The following NDN variants were observed in gnomAD, a reference collection of about 807,000 sequenced individuals.
NDN encodes necdin.
For synonymous variants in NDN, 245 were observed against 189.4 expected, an observed-to-expected ratio of 1.29 and a Z score of -2.41; for missense variants, 465 against 440.4, an observed-to-expected ratio of 1.06 and a Z score of -0.50.
Position 23,686,929 on chromosome 15 carries a change from G to A in NDN, c.289C>T (p.Gln97Ter). ...AGCTCGTGCGCCTTCTGCACCAGCT[G>A]CGCCGGGGCTGGCGGTGCCGGGCCC... is the stretch of plus-strand genomic sequence containing the variant. Reference protein sequence around the residue: ...QPGPAPPAPAQLVQKAHELMW... With the variant: ...QPGPAPPAPA The change falls in exon 1 of 1, where the codon CAG becomes TAG. Residue 97 changes from glutamine to a stop codon, truncating the protein, a stop_gained. Coordinates refer to ENST00000649030, the MANE Select transcript of NDN (RefSeq NM_002487.3). LOFTEE classifies it low-confidence loss of function (END_TRUNC). 6.2e-7 allele frequency: 1 copy of A among 1,612,168 alleles called. No individual in the cohort carries two copies. The highest frequency in any genetic ancestry group is 1.7e-4 in the Middle Eastern group (1 of 5,992).
In NDN at chr15:23,686,744, G is replaced by A. The variant is rs1445551012; in HGVS notation, c.474C>T (p.Thr158=). The change falls in exon 1 of 1, where the codon ACC becomes ACT. Residue 158 remains threonine, a synonymous_variant. Transcript: ENST00000649030. ...ARVFGLHLRL[T]SLHTMEFALV... ...GCGCAAACTCCATGGTGTGCAGGCT[G>A]GTTAGCCTCAGGTGCAGCCCGAACA... 1.9e-6 allele frequency: 3 copies of A among 1,614,032 alleles called. No homozygotes were observed. The highest frequency in any genetic ancestry group is 1.3e-5 in the African/African-American group (1 of 75,070).
rs1424365483 is a variant in NDN, at chr15:23,687,069, G to C, written c.149C>G (p.Ala50Gly). The change falls in exon 1 of 1, where the codon GCC (alanine) becomes GGC (glycine). Residue 50 changes from alanine to glycine, a missense_variant. Ala to Gly is a moderately conservative substitution (Grantham distance 60). Transcript: ENST00000649030. The stretch of plus-strand genomic sequence containing the variant: ...GGGAGGCGGCGCGGCCTGCGGAGCG[G>C]CCGTCGGGCCTAGAGGAGGGCTCTG... ...EPQSPPLGPT[A>G]APQAAPPPQA... 6.4e-7 allele frequency: 1 copy of C among 1,553,864 alleles called. No homozygotes were observed. Among genetic ancestry groups the C allele is most frequent in the Admixed American group, 1.9e-5 (1 of 51,722 alleles).
In NDN at chr15:23,686,074, T is replaced by G; in HGVS notation, c.*178A>C. On this transcript the variant is annotated 3_prime_UTR_variant, in exon 1 of 1. Coordinates refer to ENST00000649030, the MANE Select transcript of NDN (RefSeq NM_002487.3). ...ACAAACATGCATACATCCTAAATAC[T>G]ACACAATAGTACCCAAATGAATACA... 1 of 683,232 alleles carries G rather than the reference T, an allele frequency of 1.5e-6. No homozygotes were observed. Among genetic ancestry groups the G allele is most frequent in the South Asian group, 5.2e-5 (1 of 19,364 alleles). 42.3% of individuals were successfully genotyped at this position (683,232 alleles called of 1,614,324 possible). A position where few individuals can be genotyped will look rare whatever the true frequency, so the allele number is the denominator to read the frequency against.
chr15:23,687,097 G>A lies in NDN; in HGVS notation c.121C>T (p.Pro41Ser), dbSNP rs1891163889. 4 of 1,581,396 alleles carry A rather than the reference G, an allele frequency of 2.5e-6. No homozygotes were observed. Among genetic ancestry groups the A allele is most frequent in the African/African-American group, 2.8e-5 (2 of 72,426 alleles). ...GTCGGGCCTAGAGGAGGGCTCTGCG[G>A]CTCTGCCAGGGTCGCGGACGGAGGA... ...GVPPSATLAE[P>S]QSPPLGPTAA... Residue 41 changes from proline (P) to serine (S), a missense_variant, in exon 1 of 1, where the codon CCG (proline) becomes TCG (serine). By Grantham distance (74) the Pro-to-Ser change is moderately conservative (BLOSUM62 -1). Transcript: ENST00000649030.
Position 23,686,356 on chromosome 15 carries a change from G to C in NDN, c.862C>G (p.Gln288Glu). The C allele has an allele frequency of 2.5e-6, 4 of 1,595,648 alleles. No individual in the cohort carries two copies. Among genetic ancestry groups the C allele is most frequent in the Non-Finnish European group, 3.4e-6 (4 of 1,170,418 alleles). Residue 288 changes from glutamine to glutamate, a missense_variant, in exon 1 of 1, where the codon CAG becomes GAG. By Grantham distance (29) the Gln-to-Glu change is conservative. Coordinates refer to ENST00000649030, the MANE Select transcript of NDN (RefSeq NM_002487.3). ...TCTCTGTATCGGGAGGGCCAGGCCTGGGGGTCTTTCTTAAAGACCCTGGCC... is the reference window on the plus strand; with the variant it reads ...TCTCTGTATCGGGAGGGCCAGGCCTCGGGGTCTTTCTTAAAGACCCTGGCC... Reference protein sequence around the residue: ...FLARVFKKDPQAWPSRYREAL... With the variant: ...FLARVFKKDPEAWPSRYREAL...
rs1405526411 is a variant in NDN, at chr15:23,686,382, AG to A, written c.835del (p.Leu279TrpfsTer54). On this transcript the variant is annotated frameshift_variant, in exon 1 of 1. Coordinates refer to ENST00000649030, the MANE Select transcript of NDN (RefSeq NM_002487.3). LOFTEE classifies it high-confidence loss of function. ...GGGGTCTTTCTTAAAGACCCTGGCC[AG>A]GAACTCCATGATTTGCATCTTGGTG... The part of the protein sequence containing the change: ...EITKMQIMEF[L>X]ARVFKKDPQA... 6.2e-7 allele frequency: 1 copy of A among 1,606,874 alleles called. No individual in the cohort carries two copies. The highest frequency in any genetic ancestry group is 8.5e-7 in the Non-Finnish European group (1 of 1,175,954).
chr15:23,686,510 A>G lies in NDN; in HGVS notation c.708T>C (p.Thr236=), dbSNP rs1487967839. 1 of 1,613,564 alleles carries G rather than the reference A, an allele frequency of 6.2e-7. No homozygotes were observed. ...STFGDVRKLI[T]EEFVQMNYLK... ...GGTAATTCATTTGGACGAACTCCTCAGTGATGAGCTTCCGCACGTCCCCGA... is the reference window on the plus strand; with the variant it reads ...GGTAATTCATTTGGACGAACTCCTCGGTGATGAGCTTCCGCACGTCCCCGA... The change falls in exon 1 of 1, where the codon ACT becomes ACC. Residue 236 remains threonine, a synonymous_variant. Coordinates refer to ENST00000649030, the MANE Select transcript of NDN (RefSeq NM_002487.3).
At position 23,686,498 on chromosome 15, in the gene NDN, G is replaced by A. The variant is rs1891146383; in HGVS notation, c.720C>T (p.Val240=). 6.2e-7 allele frequency: 1 copy of A among 1,613,606 alleles called. No individual in the cohort carries two copies. Among genetic ancestry groups the A allele is most frequent in the Non-Finnish European group, 8.5e-7 (1 of 1,179,956 alleles). ...GCTGGTACTTCAGGTAATTCATTTG[G>A]ACGAACTCCTCAGTGATGAGCTTCC... ...DVRKLITEEF[V]QMNYLKYQRV... is the part of the protein sequence containing the mutation. The change falls in exon 1 of 1, where the codon GTC becomes GTT. Residue 240 remains valine (V), a synonymous_variant. Transcript: ENST00000649030.
Position 23,686,816 on chromosome 15 carries a change from C to A in NDN, c.402G>T (p.Lys134Asn), listed in dbSNP as rs1891155228. ...TGCGCCGGAGGATGCTCCTGCACCA[C>A]TTCTTGTAGCTGCCGATGACATCTT... ...MVKDVIGSYK[K>N]WCRSILRRTS... is the part of the protein sequence containing the mutation. The change falls in exon 1 of 1, where the codon AAG becomes AAT. Residue 134 changes from lysine (K) to asparagine (N), a missense_variant. Lys to Asn is a moderately conservative substitution (Grantham distance 94, BLOSUM62 0). Transcript: ENST00000649030. 1 of 1,613,972 alleles carries A rather than the reference C, an allele frequency of 6.2e-7. No individual in the cohort carries two copies. Among genetic ancestry groups the A allele is most frequent in the Non-Finnish European group, 8.5e-7 (1 of 1,180,038 alleles).
chr15:23,687,243 G>A lies in NDN; in HGVS notation c.-26C>T, dbSNP rs1251728580. 1 of 1,402,674 alleles carries A rather than the reference G, an allele frequency of 7.1e-7. No individual in the cohort carries two copies. The highest frequency in any genetic ancestry group is 9.3e-7 in the Non-Finnish European group (1 of 1,074,174). The allele number at this position is 1,402,674 out of a possible 1,614,324, so 86.9% of individuals were successfully genotyped here. On this transcript the variant is annotated 5_prime_UTR_variant, in exon 1 of 1. Transcript: ENST00000649030. Reference sequence around the variant, plus strand: ...GTCTGCGCCGTCTGGCAAGGGCAGGGCCTCTGCGTCCAGGAGCTCTTCGAG... The same window carrying A: ...GTCTGCGCCGTCTGGCAAGGGCAGGACCTCTGCGTCCAGGAGCTCTTCGAG...
rs770123594 is a variant in NDN, at chr15:23,686,297, A to T, written c.921T>A (p.Ala307=). The T allele has an allele frequency of 6.6e-6, 10 of 1,516,730 alleles. No homozygotes were observed. Among genetic ancestry groups the T allele is most frequent in the African/African-American group, 5.6e-5 (4 of 71,624 alleles). 94.0% of individuals were successfully genotyped at this position (1,516,730 alleles called of 1,614,324 possible). The stretch of plus-strand genomic sequence containing the variant: ...TGCGAGGGTAGTGGGCAGTGGGATT[A>T]GCCTCCCGCAGAGCTCTGGCCTCCT... ...ALEEARALRE[A]NPTAHYPRSS... The change falls in exon 1 of 1, where the codon GCT becomes GCA. Residue 307 remains alanine (A), a synonymous_variant. Transcript: ENST00000649030.
Position 23,687,298 on chromosome 15 carries a change from G to A in NDN, c.-81C>T. ...CGCTCCCTCCGCGGATTCCTGGAGAGGAAGTGCGCGTTGCTGCGCGCGGCG... is the reference window on the plus strand; with the variant it reads ...CGCTCCCTCCGCGGATTCCTGGAGAAGAAGTGCGCGTTGCTGCGCGCGGCG... On this transcript the variant is annotated 5_prime_UTR_variant, in exon 1 of 1. Coordinates refer to ENST00000649030, the MANE Select transcript of NDN (RefSeq NM_002487.3). The A allele has an allele frequency of 1.5e-6, 2 of 1,316,384 alleles. No individual in the cohort carries two copies. The highest frequency in any genetic ancestry group is 1.9e-6 in the Non-Finnish European group (2 of 1,025,894). 81.5% of individuals were successfully genotyped at this position (1,316,384 alleles called of 1,614,324 possible).
Position 23,687,165 on chromosome 15 carries a change from G to GGGGCC in NDN, c.48_52dup (p.Pro18ArgfsTer31). ...AGGGCTGCTGTGCACCTCGGAGTTG[G>GGGGCC]GGGCCTCGGCTGCAAAGTTAGGGTC... On this transcript the variant is annotated frameshift_variant, in exon 1 of 1. Coordinates refer to ENST00000649030, the MANE Select transcript of NDN (RefSeq NM_002487.3). LOFTEE classifies it low-confidence loss of function (END_TRUNC). 1 of 1,539,258 alleles carries GGGGCC rather than the reference G, an allele frequency of 6.5e-7. No homozygotes were observed. Among genetic ancestry groups the GGGGCC allele is most frequent in the Non-Finnish European group, 8.7e-7 (1 of 1,147,594 alleles).
At position 23,687,282 on chromosome 15, in the gene NDN, C is replaced by A. The variant is rs1411623338; in HGVS notation, c.-65G>T. 2.4e-5 allele frequency: 32 copies of A among 1,337,114 alleles called. No homozygotes were observed. Among genetic ancestry groups the A allele is most frequent in the Admixed American group, 3.1e-5 (1 of 32,486 alleles). The allele number at this position is 1,337,114 out of a possible 1,614,324, so 82.8% of individuals were successfully genotyped here. A position where few individuals can be genotyped will look rare whatever the true frequency, so the allele number is the denominator to read the frequency against. ...GAGCTCTTCGAGCCTGCGCTCCCTC[C>A]GCGGATTCCTGGAGAGGAAGTGCGC... On this transcript the variant is annotated 5_prime_UTR_variant, in exon 1 of 1. Coordinates refer to ENST00000649030, the MANE Select transcript of NDN (RefSeq NM_002487.3).
At position 23,686,552 on chromosome 15, in the gene NDN, C is replaced by A. The variant is rs2140757250; in HGVS notation, c.666G>T (p.Trp222Cys). 1 of 1,613,470 alleles carries A rather than the reference C, an allele frequency of 6.2e-7. No homozygotes were observed. Among genetic ancestry groups the A allele is most frequent in the African/African-American group, 1.3e-5 (1 of 75,064 alleles). The change falls in exon 1 of 1, where the codon TGG becomes TGT. Residue 222 changes from tryptophan to cysteine, a missense_variant. Physicochemically the swap from Trp to Cys is radical, Grantham distance 215 (BLOSUM62 -2). Transcript: ENST00000649030. ...CGTCCCCGAAGGTGGAGTGCTTCTT[C>A]CAGGGCCGCAGCCCCAGGATGCGCA... ...NVLRILGLRP[W>C]KKHSTFGDVR... is the part of the protein sequence containing the mutation.
At position 23,685,780 on chromosome 15, in the gene NDN, G is replaced by C. The variant is rs1213327981; in HGVS notation, c.*472C>G. ...GTGCCAAGTGCTCACACTGAGACCA[G>C]TCCAGTTCAAATTAGTGTACTCCAC... On this transcript the variant is annotated 3_prime_UTR_variant, in exon 1 of 1. Coordinates refer to ENST00000649030, the MANE Select transcript of NDN (RefSeq NM_002487.3). 1 of 152,498 alleles carries C rather than the reference G, an allele frequency of 6.6e-6. No homozygotes were observed. Among genetic ancestry groups the C allele is most frequent in the Non-Finnish European group, 1.5e-5 (1 of 68,318 alleles). 9.4% of individuals were successfully genotyped at this position (152,498 alleles called of 1,614,324 possible).
chr15:23,686,533 C>G lies in NDN; in HGVS notation c.685G>C (p.Gly229Arg). 1.2e-6 allele frequency: 2 copies of G among 1,613,538 alleles called. No homozygotes were observed. Among genetic ancestry groups the G allele is most frequent in the South Asian group, 1.1e-5 (1 of 91,076 alleles). The part of the protein sequence containing the change: ...LRPWKKHSTF[G>R]DVRKLITEEF... ...TCAGTGATGAGCTTCCGCACGTCCC[C>G]GAAGGTGGAGTGCTTCTTCCAGGGC... The change falls in exon 1 of 1, where the codon GGG (glycine) becomes CGG (arginine). Residue 229 changes from glycine (G) to arginine (R), a missense_variant. By Grantham distance (125) the Gly-to-Arg change is moderately radical. Transcript: ENST00000649030.
In NDN at chr15:23,686,360, G is replaced by A. The variant is rs2192206; in HGVS notation, c.858C>T (p.Asp286=). 0.21 allele frequency: 330,696 copies of A among 1,595,954 alleles called. 36,678 individuals are homozygous for A. Among genetic ancestry groups the A allele is most frequent in the East Asian group, 0.36 (16,101 of 44,594 alleles). Residue 286 remains aspartate (D), a synonymous_variant, in exon 1 of 1, where the codon GAC becomes GAT. Transcript: ENST00000649030. Reference sequence around the variant, plus strand: ...TGTATCGGGAGGGCCAGGCCTGGGGGTCTTTCTTAAAGACCCTGGCCAGGA... The same window carrying A: ...TGTATCGGGAGGGCCAGGCCTGGGGATCTTTCTTAAAGACCCTGGCCAGGA... ...MEFLARVFKK[D]PQAWPSRYRE...
Position 23,686,136 on chromosome 15 carries a change from A to G in NDN, c.*116T>C. The G allele has an allele frequency of 7.7e-7, 1 of 1,293,690 alleles. No homozygotes were observed. The highest frequency in any genetic ancestry group is 1.5e-5 in the African/African-American group (1 of 67,602). The allele number at this position is 1,293,690 out of a possible 1,614,324, so 80.1% of individuals were successfully genotyped here. On this transcript the variant is annotated 3_prime_UTR_variant, in exon 1 of 1. Transcript: ENST00000649030. ...AAGGTATAAAAGCACTGTACTGAAA[A>G]CTTAAAAGTTACACGTGAATACTGC...
Sources: gnomAD v4.1 joint callset for allele counts on GRCh38, gnomAD v4.1.1 for gene constraint, MANE v1.5 for transcripts, NCBI Gene and HGNC (gene_info 2026-07-23, HGNC 2026-07-21) for gene names.